Variants in NAA60 observed in about 807,000 individuals in gnomAD.
NAA60 encodes N-alpha-acetyltransferase 60.
Under a neutral mutation model 26.1 loss-of-function variants are expected in NAA60, and 8 were observed. The observed-to-expected ratio is 0.31, with a 90% CI of 0.18 to 0.55. The LOEUF (loss-of-function observed/expected upper bound fraction) is 0.55. Ranked by LOEUF, NAA60 falls within the 20% of genes least tolerant of loss-of-function variation. The pLI, the probability that NAA60 is intolerant of heterozygous loss-of-function variation, is 0.93. For synonymous variants in NAA60, 131 were observed against 122.5 expected (o/e 1.07, Z -0.46); for missense variants, 290 against 311.3 (o/e 0.93, Z 0.51).
At chr16:3,452,238 C>G (rs1195316863) in intron 2 of NAA60, among the ~76,000 whole-genome samples, 1 of 152,032 alleles carries the variant, frequency 6.6e-6, no homozygotes, top group Non-Finnish European at 1.5e-5. Context: ...GACTAATTCC[C>G]TATGTTGGTG....
chr16:3,480,288 G>A (rs968017445), intron 4 of NAA60, among the ~76,000 whole-genome samples: 1 of 152,144 alleles, frequency 6.6e-6, no homozygotes, highest in Non-Finnish European at 1.5e-5. Flanking sequence ...TTTGGCTTGA[G>A]GTTATTTCTT....
chr16:3,478,088 T>TAATAATAATAATAAA (rs543097524), intron 3 of NAA60, among the ~76,000 whole-genome samples: 16 of 150,192 alleles, frequency 1.1e-4, no homozygotes, highest in South Asian at 4.2e-4. Flanking sequence ...ATAATAATAA[T>TAATAATAATAATAAA]AAATAGGCCT....
chr16:3,448,621 G>T, intron 2 of NAA60, 81 bp downstream of exon 2: 3 of 1,164,678 alleles, frequency 2.6e-6, no homozygotes, highest in South Asian at 2.8e-5. Context: ...ATCCATTTTT[G>T]ACCTGTCAAG....
At position 3,480,069 on chromosome 16, in the gene NAA60, G is replaced by A. The variant is rs76138933; in HGVS notation, c.240+469G>A. On this transcript the variant is annotated intron_variant, in intron 4 of 7. Coordinates refer to ENST00000407558, the MANE Select transcript of NAA60 (RefSeq NM_001083601.3). ...AGATCTAAGAACCCTTTGGGCATCCGTGGACCCACCTCAGTCTCACTTCAG... is the reference window on the plus strand; with the variant it reads ...AGATCTAAGAACCCTTTGGGCATCCATGGACCCACCTCAGTCTCACTTCAG... 2.6e-3 allele frequency among the ~76,000 whole-genome samples: 391 copies of A among 152,192 alleles called. 1 individual carries two copies. Among genetic ancestry groups the A allele is most frequent in the African/African-American group, 8.3e-3 (344 of 41,504 alleles).
At chr16:3,465,219 ATT>A (rs2035666623) in intron 2 of NAA60, among the ~76,000 whole-genome samples, 1 of 150,736 alleles carries the variant, frequency 6.6e-6, no homozygotes, top group Non-Finnish European at 1.5e-5. Context: ...GTGAGCCGAA[ATT>A]TTGCCACTGC....
At chr16:3,447,304 A>G (rs964751938) in intron 1 of NAA60, among the ~76,000 whole-genome samples, 2 of 152,204 alleles carry the variant, frequency 1.3e-5, no homozygotes, top group African/African-American at 4.8e-5. Context: ...TGGTAGTTAT[A>G]TTTTTAATTT....
At chr16:3,453,964 G>T (rs1256679592) in intron 2 of NAA60, among the ~76,000 whole-genome samples, 1 of 152,096 alleles carries the variant, frequency 6.6e-6, no homozygotes, top group Non-Finnish European at 1.5e-5. Context: ...TGTGGGAGGT[G>T]GTGGTTGGAA....
At chr16:3,460,972 C>T (rs1306624963) in intron 2 of NAA60, among the ~76,000 whole-genome samples, 1 of 152,120 alleles carries the variant, frequency 6.6e-6, no homozygotes, top group Non-Finnish European at 1.5e-5. Context: ...CTTGCTGTAT[C>T]ACCCGGGCTG....
intron 2 of NAA60, among the ~76,000 whole-genome samples, chr16:3,460,374 G>T (rs2035305050): frequency 2.0e-5 from 3 of 152,008 alleles, no homozygotes; most frequent in Admixed American, 2.0e-4. Flanking sequence ...TGTCGTTGTT[G>T]TTTTTTGGAG....
At chr16:3,481,523 C>T (rs940291721) in intron 4 of NAA60, among the ~76,000 whole-genome samples, 1 of 152,138 alleles carries the variant, frequency 6.6e-6, no homozygotes, top group African/African-American at 2.4e-5. Flanking sequence ...GGCTGGGTCT[C>T]TTCCTCCTCT....
At chr16:3,448,234 A>G (rs1477666433) in intron 1 of NAA60, among the ~76,000 whole-genome samples, 5 of 147,564 alleles carry the variant, frequency 3.4e-5, no homozygotes, top group Non-Finnish European at 7.4e-5. Flanking sequence ...GCATTGTGCC[A>G]CTGCACTCCA....
At position 3,443,693 on chromosome 16, in the gene NAA60, C is replaced by A. The variant is rs555677529; in HGVS notation, c.-221C>A. 2.1e-6 allele frequency: 3 copies of A among 1,402,866 alleles called. No homozygotes were observed. In the East Asian group the frequency reaches 8.3e-5, roughly 39 times the overall value. 86.9% of individuals were successfully genotyped at this position (1,402,866 alleles called of 1,614,324 possible). ...AAGCAACCATTTCCGCTTCCGCTGG[C>A]GGGGTCTCCTCCGTGAGCTCCGGGC... On this transcript the variant is annotated 5_prime_UTR_variant, in exon 1 of 8. Coordinates refer to ENST00000407558, the MANE Select transcript of NAA60 (RefSeq NM_001083601.3).
Position 3,485,025 on chromosome 16 carries a change from A to C in NAA60, c.*170A>C. 1 of 1,518,962 alleles carries C rather than the reference A, an allele frequency of 6.6e-7. No individual in the cohort carries two copies. Among genetic ancestry groups the C allele is most frequent in the East Asian group, 2.5e-5 (1 of 40,586 alleles). The allele number at this position is 1,518,962 out of a possible 1,614,324, so 94.1% of individuals were successfully genotyped here. A position where few individuals can be genotyped will look rare whatever the true frequency, so the allele number is the denominator to read the frequency against. On this transcript the variant is annotated 3_prime_UTR_variant, in exon 7 of 8. Transcript: ENST00000407558. Reference sequence around the variant, plus strand: ...TGCTACACGGGCTCGGGAACAGAACATCGTGGGCATGCGCAGAGCATGCCC... The same window carrying C: ...TGCTACACGGGCTCGGGAACAGAACCTCGTGGGCATGCGCAGAGCATGCCC...
chr16:3,443,756 A>G lies in NAA60; in HGVS notation c.-158A>G. ...TGAAGTAGAGTCTTAGGGTGACCCC[A>G]GGGGGACGTAATGTTTCCGAGAAGA... On this transcript the variant is annotated 5_prime_UTR_variant, in exon 1 of 8. Coordinates refer to ENST00000407558, the MANE Select transcript of NAA60 (RefSeq NM_001083601.3). 6.5e-7 allele frequency: 1 copy of G among 1,533,058 alleles called. No homozygotes were observed. Among genetic ancestry groups the G allele is most frequent in the Non-Finnish European group, 8.7e-7 (1 of 1,145,418 alleles). The allele number at this position is 1,533,058 out of a possible 1,614,324, so 95.0% of individuals were successfully genotyped here.
intron 2 of NAA60, chr16:3,457,930 C>G (rs1489774343): frequency 2.1e-6 from 2 of 968,148 alleles, no homozygotes; most frequent in Admixed American, 6.2e-5. Context: ...CTGCCCGCTC[C>G]CAACATGGCG....
In NAA60 at chr16:3,447,540, C is replaced by A. The variant is rs746186292; in HGVS notation, c.-76-931C>A. The A allele has an allele frequency of 3.8e-4, 378 of 985,260 alleles. 1 individual carries two copies. The highest frequency in any genetic ancestry group is 4.4e-4 in the Non-Finnish European group (363 of 829,902). 61.0% of individuals were successfully genotyped at this position (985,260 alleles called of 1,614,324 possible). A position where few individuals can be genotyped will look rare whatever the true frequency, so the allele number is the denominator to read the frequency against. On this transcript the variant is annotated intron_variant, in intron 1 of 7. Transcript: ENST00000407558. ...ATAAGTATGGCTCTGGTTCTTACCGCCTTTACCGTATCCTTCATGGGAAGT... is the reference window on the plus strand; with the variant it reads ...ATAAGTATGGCTCTGGTTCTTACCGACTTTACCGTATCCTTCATGGGAAGT...
At chr16:3,478,155 G>C (rs139583705) in intron 3 of NAA60, among the ~76,000 whole-genome samples, 88 of 152,276 alleles carry the variant, frequency 5.8e-4, no homozygotes, top group African/African-American at 2.1e-3. Context: ...AGAATCACTT[G>C]AACCCGCGAG....
intron 2 of NAA60, among the ~76,000 whole-genome samples, chr16:3,471,906 C>T (rs759544515): frequency 6.6e-6 from 1 of 152,106 alleles, no homozygotes; most frequent in South Asian, 2.1e-4. Flanking sequence ...AAGGCTGAAT[C>T]GAGGAACCAG....
chr16:3,470,296 C>T (rs2036047481), intron 2 of NAA60, among the ~76,000 whole-genome samples: 1 of 152,178 alleles, frequency 6.6e-6, no homozygotes, highest in Admixed American at 6.5e-5. Context: ...CTTGGGGCTT[C>T]TCCAGGGAAG....
Sources: gnomAD v4.1 joint callset for allele counts (sites outside exome capture counted in the v4.1 genomes callset) on GRCh38, gnomAD v4.1.1 for gene constraint, MANE v1.5 for transcripts, NCBI Gene and HGNC (gene_info 2026-07-23, HGNC 2026-07-21) for gene names.